The following C17orf67 variants were observed in gnomAD, a reference collection of about 807,000 sequenced individuals.
C17orf67 encodes the protein uncharacterized protein C17orf67.
Under a neutral mutation model 11.2 loss-of-function variants are expected in C17orf67, and 12 were observed. The ratio of observed to expected loss-of-function variants is 1.07; its 90% CI spans 0.68 to 1.73. C17orf67 has a LOEUF of 1.73. Ranked by LOEUF, C17orf67 falls within the 40% of genes most tolerant of loss-of-function variation. The probability of loss-of-function intolerance (pLI) is 0.00; values close to 1 mark genes in which losing one functional copy is unlikely to be tolerated. For missense variants in C17orf67, 115 were observed against 113.5 expected (o/e 1.01, Z -0.06); for synonymous variants, 59 against 46.9 (o/e 1.26, Z -1.05).
intron 2 of C17orf67, among the ~76,000 whole-genome samples, chr17:56,831,112 T>C (rs1028437606): frequency 4.6e-5 from 7 of 151,966 alleles, no homozygotes; most frequent in Non-Finnish European, 1.0e-4. Flanking sequence ...AGAGGCAGCC[T>C]GCAGGGAACA....
chr17:56,798,022 C>T (rs1485897013), intron 6 of C17orf67, among the ~76,000 whole-genome samples: 1 of 151,988 alleles, frequency 6.6e-6, no homozygotes, highest in Non-Finnish European at 1.5e-5. Flanking sequence ...CAATCTCTGG[C>T]CTACAGGTAC....
At chr17:56,793,105 A>G (rs1005080748) in intron 7 of C17orf67, among the ~76,000 whole-genome samples, 1 of 151,982 alleles carries the variant, frequency 6.6e-6, no homozygotes, top group Non-Finnish European at 1.5e-5. Context: ...AACACCATCC[A>G]GCTATCATTT....
chr17:56,815,780 G>C lies in C17orf67; in HGVS notation c.31C>G (p.Leu11Val), dbSNP rs929907432. MKTLPVLVLS[L>V]TLLTVFSETS... ...CCTGAGAAGACAGTCAGTAAGGTAA[G>C]AGACAGCACGAGCACAGGCAATGTC... Residue 11 changes from leucine to valine, a missense_variant, in exon 5 of 8, where the codon CTT (leucine) becomes GTT (valine). Physicochemically the swap from Leu to Val is conservative, Grantham distance 32. Coordinates refer to ENST00000397861, the MANE Select transcript of C17orf67 (RefSeq NM_001085430.4). 6.2e-7 allele frequency: 1 copy of C among 1,613,592 alleles called. No homozygotes were observed. Among genetic ancestry groups the C allele is most frequent in the African/African-American group, 1.3e-5 (1 of 74,900 alleles).
At chr17:56,801,928 G>C (rs1055667704) in intron 6 of C17orf67, among the ~76,000 whole-genome samples, 1 of 152,166 alleles carries the variant, frequency 6.6e-6, no homozygotes, top group Non-Finnish European at 1.5e-5. Flanking sequence ...AGACAGGGAG[G>C]AATAGAAGCT....
At chr17:56,797,239 A>G (rs2144111961) in intron 6 of C17orf67, among the ~76,000 whole-genome samples, 1 of 152,338 alleles carries the variant, frequency 6.6e-6, no homozygotes, top group Admixed American at 6.5e-5. Flanking sequence ...TCTAGCACCC[A>G]GGGACTAGCA....
At chr17:56,812,660 C>T (rs1905660033) in intron 6 of C17orf67, among the ~76,000 whole-genome samples, 3 of 151,952 alleles carry the variant, frequency 2.0e-5, no homozygotes, top group Admixed American at 6.6e-5. Context: ...CAGGTAGGTT[C>T]GAGGCAGTTA....
intron 5 of C17orf67, among the ~76,000 whole-genome samples, chr17:56,815,412 T>A (rs1344370775): frequency 2.0e-5 from 3 of 152,184 alleles, no homozygotes; most frequent in Non-Finnish European, 4.4e-5. Context: ...AGTATAAAAG[T>A]GCTTTGATAA....
Position 56,798,533 on chromosome 17 carries a change from A to G in C17orf67, c.157-3353T>C, listed in dbSNP as rs113010264. 2.6e-4 allele frequency among the ~76,000 whole-genome samples: 40 copies of G among 152,204 alleles called. 1 individual carries two copies. The highest frequency in any genetic ancestry group is 9.4e-4 in the African/African-American group (39 of 41,532). The stretch of plus-strand genomic sequence containing the variant: ...TATTAGGGCTCACTCTTGGTATTAC[A>G]CAAATGCATGGCAGTCGGGCATCAT... On this transcript the variant is annotated intron_variant, in intron 6 of 7. Transcript: ENST00000397861.
At chr17:56,825,953 G>GTA (rs35928219) in intron 2 of C17orf67, among the ~76,000 whole-genome samples, 2 of 91,632 alleles carry the variant, frequency 2.2e-5, no homozygotes, top group African/African-American at 8.0e-5. Context: ...GAGTGTGTGT[G>GTA]TGTGTGTGCA....
intron 2 of C17orf67, among the ~76,000 whole-genome samples, chr17:56,825,961 GCA>G (rs1491095311): frequency 1.5e-3 from 28 of 18,616 alleles, no homozygotes; most frequent in African/African-American, 3.4e-3. Flanking sequence ...GTGTGTGTGT[GCA>G]CGCGTGTGTG....
At chr17:56,824,351 C>T (rs557278419) in intron 4 of C17orf67, among the ~76,000 whole-genome samples, 1 of 152,328 alleles carries the variant, frequency 6.6e-6, no homozygotes, top group African/African-American at 2.4e-5. Flanking sequence ...TGCCCTTAGA[C>T]TTCCCAGCCT....
chr17:56,828,498 C>T (rs1906101587), intron 2 of C17orf67, among the ~76,000 whole-genome samples: 1 of 152,164 alleles, frequency 6.6e-6, no homozygotes, highest in African/African-American at 2.4e-5. Flanking sequence ...AACAAGTTCC[C>T]TAGGTAATTC....
At chr17:56,830,328 G>C (rs965617763) in intron 2 of C17orf67, among the ~76,000 whole-genome samples, 4 of 151,052 alleles carry the variant, frequency 2.6e-5, no homozygotes, top group African/African-American at 9.8e-5. Flanking sequence ...CTGGGTGACA[G>C]AGCGAGACTC....
At chr17:56,832,370 G>A (rs1906232543) in intron 2 of C17orf67, among the ~76,000 whole-genome samples, 2 of 152,172 alleles carry the variant, frequency 1.3e-5, no homozygotes, top group South Asian at 4.1e-4. Flanking sequence ...CTTACAAGCA[G>A]CCCCTGATGT....
At chr17:56,792,630 T>TAGCG (rs146076353) in intron 7 of C17orf67, among the ~76,000 whole-genome samples, 1 of 125,818 alleles carries the variant, frequency 7.9e-6, no homozygotes, top group Admixed American at 7.5e-5. Flanking sequence ...ATAATGGTGA[T>TAGCG]GTGGTGGTGG....
chr17:56,802,996 T>C (rs1055262635), intron 6 of C17orf67, among the ~76,000 whole-genome samples: 7 of 152,228 alleles, frequency 4.6e-5, no homozygotes, highest in Admixed American at 4.6e-4. Context: ...CCAATTCTAT[T>C]AGCGGTCATC....
chr17:56,828,363 C>T (rs1906098523), intron 2 of C17orf67, among the ~76,000 whole-genome samples: 1 of 151,240 alleles, frequency 6.6e-6, no homozygotes, highest in African/African-American at 2.4e-5. Context: ...CGGGATCACA[C>T]CATTGCACTC....
chr17:56,810,872 C>T (rs1315326904), intron 6 of C17orf67, among the ~76,000 whole-genome samples: 1 of 152,242 alleles, frequency 6.6e-6, no homozygotes, highest in Non-Finnish European at 1.5e-5. Flanking sequence ...AGTAAATTAC[C>T]TCTTTTTACA....
At chr17:56,826,204 T>C (rs1269787717) in intron 2 of C17orf67, among the ~76,000 whole-genome samples, 1 of 152,222 alleles carries the variant, frequency 6.6e-6, no homozygotes, top group African/African-American at 2.4e-5. Flanking sequence ...TCCACCTGCC[T>C]TAGTCTCCCA....
Sources: allele counts gnomAD v4.1 joint callset (sites outside exome capture counted in the v4.1 genomes callset), GRCh38; gene constraint gnomAD v4.1.1; transcripts MANE v1.5; gene names NCBI Gene and HGNC (gene_info 2026-07-23, HGNC 2026-07-21).